QKI: variants seen among roughly 807,000 people sequenced by gnomAD.
The protein encoded by QKI is QKI, KH domain containing RNA binding.
A neutral mutation model predicts 39.0 loss-of-function variants in QKI; 10 were observed. The observed-to-expected ratio is 0.26, with a 90% CI of 0.16 to 0.43. QKI has a LOEUF of 0.43. Among genes scored for constraint, QKI ranks in the 20% least tolerant of loss-of-function variants. The probability of loss-of-function intolerance (pLI) is 1.00; values close to 1 mark genes in which losing one functional copy is unlikely to be tolerated. For synonymous variants in QKI, 204 were observed against 155.4 expected (o/e 1.31, Z -2.33); for missense variants, 218 against 428.0 (o/e 0.51, Z 4.33).
At chr6:163,568,951 C>A in intron 7 of QKI, 1 of 986,060 alleles carries the variant, frequency 1.0e-6, no homozygotes, top group Non-Finnish European at 1.2e-6. Flanking sequence ...TATAAATGGT[C>A]ACTCACTTCG....
intron 1 of QKI, among the ~76,000 whole-genome samples, chr6:163,441,635 A>G (rs1345163760): frequency 6.6e-6 from 1 of 152,170 alleles, no homozygotes; most frequent in African/African-American, 2.4e-5. Flanking sequence ...GAGTGTTCCT[A>G]TGGATTGAGG....
chr6:163,439,554 G>T (rs1397141999), intron 1 of QKI, among the ~76,000 whole-genome samples: 2 of 150,708 alleles, frequency 1.3e-5, no homozygotes. Context: ...GGGTTTCACC[G>T]TGTTGGCCAG....
chr6:163,528,005 G>GATA (rs1437116683), intron 3 of QKI, among the ~76,000 whole-genome samples: 1 of 152,100 alleles, frequency 6.6e-6, no homozygotes, highest in Non-Finnish European at 1.5e-5. Flanking sequence ...CTCATTTAGG[G>GATA]AGAAAGCATT....
rs1461713879 is a variant in QKI at position 163,463,014 on chromosome 6, A to G, written c.285+7593A>G. ...CATATGAAAATATTGAGAAACCAAG[A>G]TGTGATTATCTGAAATGATACAGTA... On this transcript the variant is annotated intron_variant, in intron 2 of 7. Coordinates refer to ENST00000361752, the MANE Select transcript of QKI (RefSeq NM_006775.3). Among the ~76,000 whole-genome samples the G allele has an allele frequency of 1.2e-4, 18 of 152,348 alleles. No homozygotes were observed. The East Asian group carries it at 3.5e-3, about 29-fold the overall frequency.
At chr6:163,435,672 T>G (rs1789207140) in intron 1 of QKI, among the ~76,000 whole-genome samples, 1 of 152,228 alleles carries the variant, frequency 6.6e-6, no homozygotes, top group African/African-American at 2.4e-5. Context: ...TTTAACATTT[T>G]AGTAGATGAT....
At chr6:163,443,025 G>C (rs74452123) in intron 1 of QKI, among the ~76,000 whole-genome samples, 4,235 of 152,212 alleles carry the variant, frequency 0.028, 193 homozygotes, top group African/African-American at 0.096. Flanking sequence ...CCAGTAGCAT[G>C]ACATGACTTA....
At chr6:163,540,113 T>G (rs1029600186) in intron 4 of QKI, among the ~76,000 whole-genome samples, 1 of 152,044 alleles carries the variant, frequency 6.6e-6, no homozygotes, top group Non-Finnish European at 1.5e-5. Context: ...AAGTTCTTTT[T>G]TTTTGGAAAG....
At chr6:163,502,028 T>G (rs1195730221) in intron 3 of QKI, among the ~76,000 whole-genome samples, 2 of 152,184 alleles carry the variant, frequency 1.3e-5, no homozygotes, top group East Asian at 3.9e-4. Flanking sequence ...TATTAAGAGA[T>G]ATTTTATATT....
chr6:163,483,150 A>G (rs1793211677), intron 3 of QKI, among the ~76,000 whole-genome samples: 1 of 152,238 alleles, frequency 6.6e-6, no homozygotes, highest in Non-Finnish European at 1.5e-5. Flanking sequence ...TAAATTTGTA[A>G]CAGCATTATG....
chr6:163,493,845 A>ACAAAAATAAAGT (rs1554267043), intron 3 of QKI, among the ~76,000 whole-genome samples: 6 of 151,448 alleles, frequency 4.0e-5, no homozygotes, highest in African/African-American at 4.9e-5. Flanking sequence ...TTTTAAAGGG[A>ACAAAAATAAAGT]CAAAAATATA....
chr6:163,563,235 G>A (rs554587267), intron 5 of QKI, among the ~76,000 whole-genome samples, 185 bp from the exon 6 acceptor site: 25 of 152,162 alleles, frequency 1.6e-4, no homozygotes, highest in Non-Finnish European at 2.6e-4. Flanking sequence ...CATTGGGAAA[G>A]GGAAAGCTGT....
chr6:163,433,532 C>A (rs545867797), intron 1 of QKI, among the ~76,000 whole-genome samples: 1 of 152,016 alleles, frequency 6.6e-6, no homozygotes, highest in African/African-American at 2.4e-5. Flanking sequence ...TTTGGGAGAC[C>A]GAGGTGGGCA....
chr6:163,433,632 T>C (rs1319458913), intron 1 of QKI, among the ~76,000 whole-genome samples: 1 of 152,038 alleles, frequency 6.6e-6, no homozygotes, highest in Non-Finnish European at 1.5e-5. Context: ...CCGGGTGTGG[T>C]GGCACGTGCC....
At chr6:163,566,855 C>A (rs2128251757) in intron 7 of QKI, 60 bp downstream of exon 7, 1 of 1,588,682 alleles carries the variant, frequency 6.3e-7, no homozygotes. Flanking sequence ...ATAAAATTTG[C>A]AACACCACAC....
At chr6:163,443,691 G>A (rs1789925914) in intron 1 of QKI, among the ~76,000 whole-genome samples, 1 of 152,200 alleles carries the variant, frequency 6.6e-6, no homozygotes, top group African/African-American at 2.4e-5. Flanking sequence ...TGACAGACAT[G>A]TATTTGCTTT....
intron 3 of QKI, among the ~76,000 whole-genome samples, chr6:163,497,326 C>T (rs188973191): frequency 1.2e-3 from 185 of 152,110 alleles, no homozygotes; most frequent in African/African-American, 4.3e-3. Context: ...TTGGAAATTT[C>T]GCTCTTTATC....
intron 7 of QKI, 103 bp from the exon 8 acceptor site, chr6:163,570,591 G>A: frequency 1.9e-6 from 3 of 1,551,870 alleles, no homozygotes; most frequent in Non-Finnish European, 2.6e-6. Context: ...GTTGTGATTA[G>A]TTTTTCATGT....
At chr6:163,465,522 G>T (rs574486194) in intron 2 of QKI, among the ~76,000 whole-genome samples, 1 of 151,586 alleles carries the variant, frequency 6.6e-6, no homozygotes, top group African/African-American at 2.4e-5. Flanking sequence ...CAGCTTGCTC[G>T]GGAGGCTGAG....
intron 7 of QKI, chr6:163,568,300 C>T (rs1485589017): frequency 2.0e-6 from 2 of 985,016 alleles, no homozygotes; most frequent in Non-Finnish European, 2.4e-6. Flanking sequence ...GGAGATTTCT[C>T]ACCATTTTGC....
Sources: allele counts gnomAD v4.1 joint callset (sites outside exome capture counted in the v4.1 genomes callset), GRCh38; gene constraint gnomAD v4.1.1; transcripts MANE v1.5; gene names NCBI Gene and HGNC (gene_info 2026-07-23, HGNC 2026-07-21).